PCDH15: variants seen among roughly 807,000 people sequenced by gnomAD.
PCDH15 encodes protocadherin-15.
Under a neutral mutation model 178.5 loss-of-function variants are expected in PCDH15, and 129 were observed. The ratio of observed to expected loss-of-function variants is 0.72; its 90% CI spans 0.63 to 0.84. The LOEUF (loss-of-function observed/expected upper bound fraction) is 0.84, where lower values mean the gene tolerates loss of function less well. PCDH15 is among the 40% of genes least tolerant of loss of function. The pLI is 0.00. For synonymous variants in PCDH15, 800 were observed against 732.0 expected (o/e 1.09, Z -1.50); for missense variants, 2,230 against 2,099.9 (o/e 1.06, Z -1.21).
chr10:53,830,957 G>A (rs1370280284), intron 30 of PCDH15, among the ~76,000 whole-genome samples: 1 of 152,156 alleles, frequency 6.6e-6, no homozygotes, highest in Non-Finnish European at 1.5e-5. Flanking sequence ...GGCAGAGTGG[G>A]TATCCGCATA....
At chr10:55,309,489 T>C (rs1843521246) in intron 1 of PCDH15, among the ~76,000 whole-genome samples, 1 of 151,002 alleles carries the variant, frequency 6.6e-6, no homozygotes, top group Non-Finnish European at 1.5e-5. Context: ...TGCACTACTC[T>C]CATTCTGGAC....
chr10:54,570,042 GTGTGTGTGTGTGTGTC>G (rs2089586971), intron 2 of PCDH15, among the ~76,000 whole-genome samples: 1 of 510 alleles, frequency 2.0e-3, no homozygotes, highest in Admixed American at 0.024. Flanking sequence ...AATTAGGGGT[GTGTGTGTGTGTGTGTC>G]TGTGTGTGTG....
intron 15 of PCDH15, among the ~76,000 whole-genome samples, chr10:54,132,166 T>G (rs1326341423): frequency 2.0e-5 from 3 of 152,166 alleles, no homozygotes; most frequent in Admixed American, 2.0e-4. Context: ...ATGATTGGCA[T>G]AGCAAAGTGA....
At chr10:54,702,583 T>A (rs1349087970) in intron 1 of PCDH15, among the ~76,000 whole-genome samples, 1 of 142,146 alleles carries the variant, frequency 7.0e-6, no homozygotes, top group Non-Finnish European at 1.5e-5. Flanking sequence ...TACAAACATG[T>A]CTATGCACAC....
intron 2 of PCDH15, among the ~76,000 whole-genome samples, chr10:54,590,886 A>G (rs1590323226): frequency 6.6e-6 from 1 of 152,316 alleles, no homozygotes; most frequent in East Asian, 1.9e-4. Context: ...ACACAAAAAT[A>G]AAATATCTTT....
intron 20 of PCDH15, among the ~76,000 whole-genome samples, chr10:54,011,893 C>T (rs1053281908): frequency 1.3e-5 from 2 of 152,164 alleles, no homozygotes; most frequent in Admixed American, 1.3e-4. Flanking sequence ...CTTCTTTCCT[C>T]CAAACAACTG....
In PCDH15 at chr10:54,794,228, C is replaced by T. The variant is rs529446062; in HGVS notation, c.-29+6697G>A. Among the ~76,000 whole-genome samples the T allele has an allele frequency of 8.2e-4, 124 of 150,638 alleles. 2 individuals are homozygous for T. In the Middle Eastern group the frequency reaches 0.017, roughly 21 times the overall value. On this transcript the variant is annotated intron_variant, in intron 1 of 37. Coordinates refer to ENST00000644397, the MANE Select transcript of PCDH15 (RefSeq NM_001384140.1). Reference sequence around the variant, plus strand: ...TTTATTACATAAACACACAGCAATGCTCTTTGCTTTGGCATTTTCTCAATT... The same window carrying T: ...TTTATTACATAAACACACAGCAATGTTCTTTGCTTTGGCATTTTCTCAATT...
intron 1 of PCDH15, among the ~76,000 whole-genome samples, chr10:54,667,668 C>A (rs1054912234): frequency 1.3e-5 from 2 of 152,068 alleles, no homozygotes; most frequent in Non-Finnish European, 2.9e-5. Flanking sequence ...AATCCCACAT[C>A]AAACTCTTTC....
rs778219981 is a variant in PCDH15 at position 54,875,948 on chromosome 10, C to A, written c.-29+21502G>T. 1.1e-4 allele frequency among the ~76,000 whole-genome samples: 17 copies of A among 152,196 alleles called. No individual in the cohort carries two copies. In the East Asian group the frequency reaches 1.2e-3, roughly 10 times the overall value. ...CAAATTTTCAATGTAGATGAAAGAA[C>A]CTTCCATTGAAAGAAATTATCATCT... On this transcript the variant is annotated intron_variant, in intron 3 of 5. Transcript: ENST00000458638.
intron 2 of PCDH15, among the ~76,000 whole-genome samples, chr10:55,499,443 ACACACACAC>A (rs1565199131): frequency 1.2e-3 from 186 of 150,832 alleles, no homozygotes; most frequent in African/African-American, 4.3e-3. Flanking sequence ...ACACACACAC[ACACACACAC>A]AAATAATGTT....
chr10:55,108,822 C>T (rs986207433), intron 2 of PCDH15, among the ~76,000 whole-genome samples: 15 of 152,004 alleles, frequency 9.9e-5, no homozygotes, highest in African/African-American at 3.4e-4. Context: ...CACGCAGTCA[C>T]ACATACAATC....
chr10:54,067,041 T>A (rs1040890184), intron 17 of PCDH15, among the ~76,000 whole-genome samples, 156 bp from the exon 18 acceptor site: 1 of 151,610 alleles, frequency 6.6e-6, no homozygotes, highest in Admixed American at 6.6e-5. Context: ...ATAAAAAAAT[T>A]AAAAAAAAGA....
chr10:54,770,995 C>T (rs142430913), intron 1 of PCDH15, among the ~76,000 whole-genome samples: 10 of 152,010 alleles, frequency 6.6e-5, no homozygotes, highest in Admixed American at 1.3e-4. Flanking sequence ...ATATTTTTAC[C>T]TACTTGGGAA....
At chr10:54,709,609 TAC>T (rs537916303) in intron 1 of PCDH15, among the ~76,000 whole-genome samples, 13,144 of 117,212 alleles carry the variant, frequency 0.11, 983 homozygotes, top group African/African-American at 0.2. Flanking sequence ...TATATATATA[TAC>T]ATATATATAT....
At chr10:54,453,421 G>T (rs1303861824) in intron 3 of PCDH15, among the ~76,000 whole-genome samples, 6 of 151,828 alleles carry the variant, frequency 4.0e-5, no homozygotes, top group Non-Finnish European at 8.8e-5. Flanking sequence ...ACCAAACACC[G>T]CATGTTCTCA....
At chr10:54,592,151 T>C (rs2091927206) in intron 2 of PCDH15, among the ~76,000 whole-genome samples, 1 of 152,200 alleles carries the variant, frequency 6.6e-6, no homozygotes, top group Non-Finnish European at 1.5e-5. Flanking sequence ...CAATGGATAA[T>C]GAATGTCAAA....
At chr10:54,164,690 C>A (rs1205209353) in intron 13 of PCDH15, among the ~76,000 whole-genome samples, 2 of 152,088 alleles carry the variant, frequency 1.3e-5, no homozygotes, top group Non-Finnish European at 2.9e-5. Flanking sequence ...GTTTTAACAT[C>A]TATTTTTAAT....
intron 8 of PCDH15, among the ~76,000 whole-genome samples, chr10:54,257,395 A>T (rs1171105277): frequency 8.4e-6 from 1 of 119,564 alleles, no homozygotes; most frequent in Non-Finnish European, 1.7e-5. Context: ...AATAAAGAGA[A>T]TTGTCTTCTT....
rs2093215063 is a variant in PCDH15, at chr10:54,617,734, G to A, written c.91+46438C>T. Among the ~76,000 whole-genome samples the A allele has an allele frequency of 2.4e-5, 3 of 126,858 alleles. No individual in the cohort carries two copies. In the South Asian group the frequency reaches 7.5e-4, roughly 32 times the overall value. The allele number at this position is 126,858 out of a possible 152,430, so 83.2% of individuals were successfully genotyped here. ...TCAAGACCAACCTGGCCAAGATGGT[G>A]AAACCCCAACTCTAAAAATACAAAA... is the stretch of plus-strand genomic sequence containing the variant. On this transcript the variant is annotated intron_variant, in intron 2 of 37. Coordinates refer to ENST00000644397, the MANE Select transcript of PCDH15 (RefSeq NM_001384140.1).
Sources: gnomAD v4.1 joint callset for allele counts (sites outside exome capture counted in the v4.1 genomes callset) on GRCh38, gnomAD v4.1.1 for gene constraint, MANE v1.5 for transcripts, NCBI Gene and HGNC (gene_info 2026-07-23, HGNC 2026-07-21) for gene names.